Variants in GPC6 observed in about 807,000 individuals in gnomAD.
The protein encoded by GPC6 is glypican 6, also known as glypican-6.
In GPC6, 14 loss-of-function variants were observed where a neutral mutation model predicts 55.2. That is an observed-to-expected ratio of 0.25 (90% confidence interval 0.17 to 0.40). The LOEUF (loss-of-function observed/expected upper bound fraction) is 0.40, where lower values mean the gene tolerates loss of function less well. Among genes scored for constraint, GPC6 ranks in the 10% least tolerant of loss-of-function variants. GPC6 has a pLI of 1.00. For synonymous variants in GPC6, 278 were observed against 259.6 expected (o/e 1.07, Z -0.68); for missense variants, 641 against 708.5 (o/e 0.90, Z 1.08).
At chr13:93,892,044 A>G (rs1236646135) in intron 3 of GPC6, among the ~76,000 whole-genome samples, 1 of 152,148 alleles carries the variant, frequency 6.6e-6, no homozygotes, top group Non-Finnish European at 1.5e-5. Flanking sequence ...ACACGTGCAC[A>G]CACACTATAC....
intron 3 of GPC6, among the ~76,000 whole-genome samples, chr13:93,990,256 T>G (rs1881235674): frequency 6.6e-6 from 1 of 151,998 alleles, no homozygotes; most frequent in Non-Finnish European, 1.5e-5. Flanking sequence ...AGGACAGTAA[T>G]GTCTGCCTTT....
chr13:93,254,953 A>G (rs1876903950), intron 1 of GPC6, among the ~76,000 whole-genome samples: 1 of 152,200 alleles, frequency 6.6e-6, no homozygotes, highest in Non-Finnish European at 1.5e-5. Flanking sequence ...GGTATTTAAA[A>G]CCATGGCACA....
upstream of GPC6, among the ~76,000 whole-genome samples, chr13:93,222,023 T>G (rs1875641029): frequency 6.6e-6 from 1 of 152,334 alleles, no homozygotes; most frequent in African/African-American, 2.4e-5. Context: ...TTTATTTTTT[T>G]TATAAACCCA....
intron 1 of GPC6, among the ~76,000 whole-genome samples, chr13:93,228,997 A>G (rs980312439): frequency 6.6e-6 from 1 of 152,226 alleles, no homozygotes. Flanking sequence ...CGCTCATTAT[A>G]TAGAAGGAGC....
At chr13:93,474,197 G>A (rs1486544154) in intron 1 of GPC6, among the ~76,000 whole-genome samples, 1 of 152,182 alleles carries the variant, frequency 6.6e-6, no homozygotes, top group Non-Finnish European at 1.5e-5. Flanking sequence ...TAGTCCTGAT[G>A]TCAGATAAGT....
chr13:93,272,492 G>GTATATA (rs61556173), intron 1 of GPC6, among the ~76,000 whole-genome samples: 6,195 of 136,940 alleles, frequency 0.045, 189 homozygotes, highest in Admixed American at 0.091. Flanking sequence ...TTGTCTGTGT[G>GTATATA]TATATATATA....
chr13:93,767,273 A>T (rs1385670926), intron 2 of GPC6, among the ~76,000 whole-genome samples: 1 of 152,124 alleles, frequency 6.6e-6, no homozygotes, highest in East Asian at 1.9e-4. Flanking sequence ...ACCATGAAAA[A>T]GCAACAAGTG....
chr13:93,747,567 A>G (rs1412437792), intron 2 of GPC6, among the ~76,000 whole-genome samples: 1 of 152,140 alleles, frequency 6.6e-6, no homozygotes, highest in African/African-American at 2.4e-5. Context: ...GGCCCAATCA[A>G]TGTGCTTTTG....
At chr13:93,859,186 T>A (rs1181070642) in intron 3 of GPC6, among the ~76,000 whole-genome samples, 8 of 151,668 alleles carry the variant, frequency 5.3e-5, no homozygotes, top group Admixed American at 5.3e-4. Context: ...TTAAGCACTT[T>A]CTCTTAAACA....
At chr13:93,413,052 A>T (rs1483200733) in intron 1 of GPC6, among the ~76,000 whole-genome samples, 1 of 152,184 alleles carries the variant, frequency 6.6e-6, no homozygotes, top group Non-Finnish European at 1.5e-5. Context: ...CTAATGGTAG[A>T]TGTTGTTTAT....
chr13:93,830,126 T>G, intron 2 of GPC6, 28 bp from the exon 3 acceptor site: 1 of 1,588,472 alleles, frequency 6.3e-7, no homozygotes, highest in Non-Finnish European at 8.6e-7. Flanking sequence ...TTTCATTAAT[T>G]TATGACTTCT....
At chr13:93,328,882 C>G (rs766252282) in intron 1 of GPC6, among the ~76,000 whole-genome samples, 8 of 152,198 alleles carry the variant, frequency 5.3e-5, no homozygotes, top group Non-Finnish European at 8.8e-5. Context: ...CCAAATACCT[C>G]TACAGTTTCT....
intron 7 of GPC6, among the ~76,000 whole-genome samples, chr13:94,385,733 A>G (rs569937529): frequency 7.2e-5 from 11 of 152,282 alleles, no homozygotes; most frequent in African/African-American, 2.6e-4. Flanking sequence ...ATTAAATGTA[A>G]TTGAAGCTTT....
chr13:93,670,323 A>G (rs1157948400), intron 2 of GPC6, among the ~76,000 whole-genome samples: 4 of 152,184 alleles, frequency 2.6e-5, no homozygotes, highest in Non-Finnish European at 5.9e-5. Context: ...AAAGAAGATG[A>G]CTGCCATGTC....
intron 4 of GPC6, among the ~76,000 whole-genome samples, chr13:94,205,575 T>C (rs775205295): frequency 6.6e-6 from 1 of 152,182 alleles, no homozygotes; most frequent in Non-Finnish European, 1.5e-5. Flanking sequence ...CTAGAGCAGC[T>C]TGGGAAAGTT....
At chr13:93,554,616 C>A (rs1439306706) in intron 2 of GPC6, among the ~76,000 whole-genome samples, 5 of 152,210 alleles carry the variant, frequency 3.3e-5, no homozygotes, top group Non-Finnish European at 7.3e-5. Context: ...ATTTCCATAT[C>A]ATTCAGTAGT....
intron 4 of GPC6, among the ~76,000 whole-genome samples, chr13:94,262,921 A>C (rs997202632): frequency 6.6e-6 from 1 of 152,228 alleles, no homozygotes; most frequent in Non-Finnish European, 1.5e-5. Context: ...TAATAACAAA[A>C]CATTGTGTAA....
At chr13:94,070,562 A>T (rs1884692673) in intron 4 of GPC6, among the ~76,000 whole-genome samples, 1 of 152,232 alleles carries the variant, frequency 6.6e-6, no homozygotes, top group African/African-American at 2.4e-5. Context: ...CCATGGAAGC[A>T]TTTAAATATA....
At chr13:93,849,161 G>GAAT (rs1265946273) in intron 3 of GPC6, among the ~76,000 whole-genome samples, 2 of 152,048 alleles carry the variant, frequency 1.3e-5, no homozygotes, top group Non-Finnish European at 2.9e-5. Flanking sequence ...GGTAGACGTT[G>GAAT]AATAAATATT....
Sources: gnomAD v4.1 joint callset for allele counts (sites outside exome capture counted in the v4.1 genomes callset) on GRCh38, gnomAD v4.1.1 for gene constraint, MANE v1.5 for transcripts, NCBI Gene and HGNC (gene_info 2026-07-23, HGNC 2026-07-21) for gene names.